Variants in SLC12A3 observed in about 807,000 individuals in gnomAD.
SLC12A3 encodes the protein Na-Cl cotransporter.
SLC12A3 carries 104 observed loss-of-function variants against 121.0 expected under a neutral mutation model. The ratio of observed to expected loss-of-function variants is 0.86; its 90% CI spans 0.73 to 1.01. SLC12A3 has a LOEUF of 1.01. Among genes scored for constraint, SLC12A3 ranks in the 50% least tolerant of loss-of-function variants. The pLI, the probability that SLC12A3 is intolerant of heterozygous loss-of-function variation, is 0.00. For synonymous variants in SLC12A3, 536 were observed against 533.4 expected (o/e 1.00, Z -0.07); for missense variants, 1,328 against 1,356.3 (o/e 0.98, Z 0.33).
At chr16:56,882,159 C>A (rs2055249174) in intron 12 of SLC12A3, among the ~76,000 whole-genome samples, 1 of 152,158 alleles carries the variant, frequency 6.6e-6, no homozygotes, top group Non-Finnish European at 1.5e-5. Flanking sequence ...CTCACACTGA[C>A]CCCCACTGTC....
chr16:56,881,551 G>T (rs1372849067), intron 12 of SLC12A3, among the ~76,000 whole-genome samples: 1 of 152,214 alleles, frequency 6.6e-6, no homozygotes, highest in East Asian at 1.9e-4. Flanking sequence ...CTGGCACATT[G>T]GTGCACGTCG....
At chr16:56,901,156 T>A (rs1368890509) in intron 23 of SLC12A3, among the ~76,000 whole-genome samples, 1 of 152,168 alleles carries the variant, frequency 6.6e-6, no homozygotes, top group Non-Finnish European at 1.5e-5. Flanking sequence ...TCCTCCTGCA[T>A]CAGGGGCCCT....
rs777612082 is a variant in SLC12A3 at position 56,880,172 on chromosome 16, G to T, written c.1486G>T (p.Gly496Cys). Residue 496 changes from glycine to cysteine, a missense_variant, in exon 12 of 26, where the codon GGC becomes TGC. Gly to Cys is a radical substitution (Grantham distance 159). Coordinates refer to ENST00000563236, the MANE Select transcript of SLC12A3 (RefSeq NM_001126108.2). ...DQLYPLIGFFGKGYGKNKEPV... is the reference protein window; with the variant it reads ...DQLYPLIGFFCKGYGKNKEPV... ...GCTGTACCCACTGATCGGCTTCTTC[G>T]GCAAAGGCTATGGCAAGAACAAGGA... 1.6e-5 allele frequency: 26 copies of T among 1,604,818 alleles called. No individual in the cohort carries two copies. The highest frequency in any genetic ancestry group is 2.1e-5 in the Non-Finnish European group (25 of 1,176,754).
rs1390944989 is a variant in SLC12A3 at position 56,872,398 on chromosome 16, T to C, written c.900T>C (p.Tyr300=). Residue 300 remains tyrosine, a synonymous_variant, in exon 7 of 26, where the codon TAT becomes TAC. Coordinates refer to ENST00000563236, the MANE Select transcript of SLC12A3 (RefSeq NM_001126108.2). ...FLVIMVSFAN[Y]LVGTLIPPSE... ...TCATCATGGTCTCCTTTGCCAACTA[T>C]TTAGTGGGGACGCTGATCCCCCCAT... 1 of 1,614,108 alleles carries C rather than the reference T, an allele frequency of 6.2e-7. No homozygotes were observed. The highest frequency in any genetic ancestry group is 1.1e-5 in the South Asian group (1 of 91,078).
chr16:56,890,363 A>G lies in SLC12A3; in HGVS notation c.2368+7A>G. On this transcript the variant is annotated splice_region_variant and intron_variant, in intron 19 of 25. Transcript: ENST00000563236. ...AAGATGATGCAGGCGCACAGTGAGT[A>G]CATGCCCCACCCACTCCCAGAAAGT... 1 of 1,612,134 alleles carries G rather than the reference A, an allele frequency of 6.2e-7. No individual in the cohort carries two copies. Among genetic ancestry groups the G allele is most frequent in the Non-Finnish European group, 8.5e-7 (1 of 1,178,160 alleles).
In SLC12A3 at chr16:56,902,509, G is replaced by T. The variant is rs199974259; in HGVS notation, c.2856+1G>T. ...GGAGATTACGAAGAACAGAGTCAAG[G>T]TGCAGAGAGGGGTGGGGGTGGGAAA... On this transcript the variant is annotated splice_donor_variant, in intron 24 of 25. Coordinates refer to ENST00000563236, the MANE Select transcript of SLC12A3 (RefSeq NM_001126108.2). LOFTEE classifies it high-confidence loss of function. The T allele has an allele frequency of 4.8e-4, 762 of 1,600,694 alleles. No individual in the cohort carries two copies. The highest frequency in any genetic ancestry group is 6.3e-4 in the Non-Finnish European group (735 of 1,170,376).
At position 56,878,127 on chromosome 16, in the gene SLC12A3, G is replaced by A. The variant is rs146169247; in HGVS notation, c.1146G>A (p.Thr382=). ...GGACCCTCATGGCCATTTTCTGGAC[G>A]ACCATTTCCTACCTGGCCATCTCAG... is the stretch of plus-strand genomic sequence containing the variant. The part of the protein sequence containing the change: ...PKGTLMAIFW[T]TISYLAISAT... Residue 382 remains threonine, a synonymous_variant, in exon 9 of 26, where the codon ACG becomes ACA. Coordinates refer to ENST00000563236, the MANE Select transcript of SLC12A3 (RefSeq NM_001126108.2). 16 of 1,583,496 alleles carry A rather than the reference G, an allele frequency of 1.0e-5. No homozygotes were observed. Among genetic ancestry groups the A allele is most frequent in the East Asian group, 2.4e-5 (1 of 42,446 alleles).
At chr16:56,882,290 C>A (rs898708986) in intron 12 of SLC12A3, 106 bp from the exon 13 acceptor site, 16 of 850,908 alleles carry the variant, frequency 1.9e-5, no homozygotes, top group Admixed American at 3.4e-5. Flanking sequence ...ACTGACTGAG[C>A]CTTGGTGGCC....
At chr16:56,868,274 C>T (rs1179961102) in intron 2 of SLC12A3, 23 bp from the exon 3 acceptor site, 3 of 1,612,572 alleles carry the variant, frequency 1.9e-6, no homozygotes, top group South Asian at 1.1e-5. Flanking sequence ...CCCAGGTGGC[C>T]TCTGACCCCC....
chr16:56,885,449 C>G, intron 15 of SLC12A3, 85 bp downstream of exon 15: 2 of 897,084 alleles, frequency 2.2e-6, no homozygotes, highest in South Asian at 2.8e-5. Context: ...GACCTGTCAC[C>G]TGACCCAGGC....
At chr16:56,886,847 G>A in intron 16 of SLC12A3, 106 bp from the exon 17 acceptor site, 1 of 1,480,304 alleles carries the variant, frequency 6.8e-7, no homozygotes, top group South Asian at 1.2e-5. Flanking sequence ...AGGGCACCGT[G>A]GGTGCTGCCA....
At position 56,870,272 on chromosome 16, in the gene SLC12A3, C is replaced by T. The variant is rs758624975; in HGVS notation, c.741+37C>T. On this transcript the variant is annotated intron_variant, in intron 5 of 25. Coordinates refer to ENST00000563236, the MANE Select transcript of SLC12A3 (RefSeq NM_001126108.2). ...GGGCTGGACCCTGGGTAGAGGGATCCGGGCAGCCCATTGCACTCTCCTCCG... is the reference window on the plus strand; with the variant it reads ...GGGCTGGACCCTGGGTAGAGGGATCTGGGCAGCCCATTGCACTCTCCTCCG... 11 of 1,602,622 alleles carry T rather than the reference C, an allele frequency of 6.9e-6. No individual in the cohort carries two copies. In the South Asian group the frequency reaches 7.7e-5, roughly 11 times the overall value.
Position 56,880,271 on chromosome 16 carries a change from C to T in SLC12A3, c.1567+18C>T. On this transcript the variant is annotated intron_variant, in intron 12 of 25. Transcript: ENST00000563236. ...CATCATCGGTAAGGCTCTGCCAGGG[C>T]TCACAGGGCCTGGCCTCCTGTTCCC... The T allele has an allele frequency of 6.4e-7, 1 of 1,566,544 alleles. No individual in the cohort carries two copies. The highest frequency in any genetic ancestry group is 8.7e-7 in the Non-Finnish European group (1 of 1,155,556).
At chr16:56,886,226 G>T in intron 15 of SLC12A3, 138 bp from the exon 16 acceptor site, 1 of 636,868 alleles carries the variant, frequency 1.6e-6, no homozygotes, top group Non-Finnish European at 2.8e-6. Flanking sequence ...ATTTATAGGT[G>T]GGAAGCCGAG....
Position 56,870,077 on chromosome 16 carries a change from C to G in SLC12A3, c.602-19C>G, listed in dbSNP as rs774555116. 8.7e-6 allele frequency: 14 copies of G among 1,611,344 alleles called. No homozygotes were observed. The South Asian group carries it at 1.5e-4, about 18-fold the overall frequency. On this transcript the variant is annotated intron_variant, in intron 4 of 25. Transcript: ENST00000563236. ...AACCGACTCATCTGGTTTCATGGTT[C>G]CCGGCTCTGCCCTGATAGGTGGCAC... is the stretch of plus-strand genomic sequence containing the variant.
chr16:56,902,193 C>A, intron 23 of SLC12A3, 180 bp from the exon 24 acceptor site: 1 of 732,474 alleles, frequency 1.4e-6, no homozygotes. Context: ...CAGTTGGATG[C>A]CAGACCCAGC....
Position 56,878,099 on chromosome 16 carries a change from A to AG in SLC12A3, c.1122dup (p.Thr375AspfsTer26), listed in dbSNP as rs765102586. ...CAGGACCCTGCTATAGCCATCCCCA[A>AG]GGGGACCCTCATGGCCATTTTCTGG... On this transcript the variant is annotated frameshift_variant, in exon 9 of 26. Coordinates refer to ENST00000563236, the MANE Select transcript of SLC12A3 (RefSeq NM_001126108.2). LOFTEE classifies it high-confidence loss of function. 3 of 1,476,090 alleles carry AG rather than the reference A, an allele frequency of 2.0e-6. No homozygotes were observed. The South Asian group carries it at 3.4e-5, about 17-fold the overall frequency. The allele number at this position is 1,476,090 out of a possible 1,614,324, so 91.4% of individuals were successfully genotyped here.
intron 21 of SLC12A3, among the ~76,000 whole-genome samples, chr16:56,893,328 T>C (rs2055415746): frequency 6.6e-6 from 1 of 152,194 alleles, no homozygotes; most frequent in African/African-American, 2.4e-5. Context: ...AATGGGGAGA[T>C]GGGCGGTGCC....
intron 5 of SLC12A3, 120 bp from the exon 6 acceptor site, chr16:56,870,506 C>T (rs1352497522): frequency 1.3e-6 from 1 of 799,410 alleles, no homozygotes; most frequent in Non-Finnish European, 2.2e-6. Flanking sequence ...AGGGGTGGTG[C>T]TTGAGTTAAC....
Sources: allele counts gnomAD v4.1 joint callset (sites outside exome capture counted in the v4.1 genomes callset), GRCh38; gene constraint gnomAD v4.1.1; transcripts MANE v1.5; gene names NCBI Gene and HGNC (gene_info 2026-07-23, HGNC 2026-07-21).